The following PLXDC2 variants were observed in gnomAD, a reference collection of about 807,000 sequenced individuals.
PLXDC2 encodes plexin domain-containing protein 2.
Under a neutral mutation model 68.9 loss-of-function variants are expected in PLXDC2, and 40 were observed. The ratio of observed to expected loss-of-function variants is 0.58; its 90% CI spans 0.45 to 0.76. PLXDC2 has a LOEUF of 0.76. Among genes scored for constraint, PLXDC2 ranks in the 30% least tolerant of loss-of-function variants. The probability of loss-of-function intolerance (pLI) is 0.00; values close to 1 mark genes in which losing one functional copy is unlikely to be tolerated. For missense variants in PLXDC2, 644 were observed against 661.9 expected, an observed-to-expected ratio of 0.97 and a Z score of 0.30; for synonymous variants, 243 against 234.2, an observed-to-expected ratio of 1.04 and a Z score of -0.34.
At chr10:19,861,416 T>A (rs1211618140) in intron 1 of PLXDC2, among the ~76,000 whole-genome samples, 1 of 152,128 alleles carries the variant, frequency 6.6e-6, no homozygotes, top group African/African-American at 2.4e-5. Context: ...CTTGCCTGAT[T>A]GGTCTTTCCA....
intron 7 of PLXDC2, among the ~76,000 whole-genome samples, chr10:20,171,668 T>C (rs910500803): frequency 6.6e-6 from 1 of 152,208 alleles, no homozygotes; most frequent in Non-Finnish European, 1.5e-5. Context: ...AATTTTTACA[T>C]ATTTGAGAAT....
intron 9 of PLXDC2, among the ~76,000 whole-genome samples, chr10:20,183,631 C>T (rs113373252): frequency 1.5e-3 from 224 of 152,034 alleles, no homozygotes; most frequent in Non-Finnish European, 2.7e-3. Flanking sequence ...GGAGTAGAAA[C>T]GCACTTTTAC....
intron 1 of PLXDC2, among the ~76,000 whole-genome samples, chr10:19,852,477 G>A (rs1374325925): frequency 7.4e-6 from 1 of 135,332 alleles, no homozygotes; most frequent in African/African-American, 2.7e-5. Flanking sequence ...TTTTCAATAG[G>A]CTCCTTTGCA....
intron 1 of PLXDC2, among the ~76,000 whole-genome samples, chr10:19,879,603 C>T (rs765084631): frequency 6.6e-5 from 10 of 152,114 alleles, no homozygotes; most frequent in Non-Finnish European, 1.0e-4. Context: ...CAGACTGAGA[C>T]GGTTGTATTG....
At chr10:20,269,150 A>G (rs1035271778) in intron 13 of PLXDC2, among the ~76,000 whole-genome samples, 1 of 152,214 alleles carries the variant, frequency 6.6e-6, no homozygotes, top group African/African-American at 2.4e-5. Flanking sequence ...CCACTTTGCC[A>G]AGAACTATTC....
chr10:19,960,216 T>C (rs947497819), intron 1 of PLXDC2, among the ~76,000 whole-genome samples: 3 of 128,032 alleles, frequency 2.3e-5, no homozygotes, highest in African/African-American at 8.7e-5. Context: ...AAAAAAAAAA[T>C]TAGCCAGGGT....
Position 19,968,027 on chromosome 10 carries a change from G to C in PLXDC2, c.113-33748G>C, listed in dbSNP as rs141807718. 1.6e-4 allele frequency among the ~76,000 whole-genome samples: 25 copies of C among 152,306 alleles called. 1 individual carries two copies. Among genetic ancestry groups the C allele is most frequent in the African/African-American group, 5.8e-4 (24 of 41,570 alleles). ...AGAAAAGACTTGAGGAGAAAGATAA[G>C]TTAGTTCAAATATTTGAAAGGCTGT... On this transcript the variant is annotated intron_variant, in intron 1 of 13. Coordinates refer to ENST00000377252, the MANE Select transcript of PLXDC2 (RefSeq NM_032812.9).
intron 7 of PLXDC2, among the ~76,000 whole-genome samples, chr10:20,174,667 A>G (rs1404785743): frequency 1.3e-5 from 2 of 152,068 alleles, no homozygotes; most frequent in African/African-American, 2.4e-5. Flanking sequence ...CGAGGAGGGA[A>G]AGCATTAGGA....
chr10:19,885,305 C>G (rs1470814729), intron 1 of PLXDC2, among the ~76,000 whole-genome samples: 23 of 150,184 alleles, frequency 1.5e-4, no homozygotes, highest in Non-Finnish European at 2.7e-4. Context: ...TTGTAGGTTG[C>G]CTGTTCACTC....
intron 12 of PLXDC2, among the ~76,000 whole-genome samples, chr10:20,233,774 C>A (rs1414243334): frequency 6.6e-6 from 1 of 151,392 alleles, no homozygotes; most frequent in Non-Finnish European, 1.5e-5. Context: ...TCCAGTGTCT[C>A]AAAAAAAATA....
chr10:20,177,135 A>T (rs1453679682), intron 8 of PLXDC2, 41 bp downstream of exon 8: 3 of 1,475,510 alleles, frequency 2.0e-6, no homozygotes, highest in Non-Finnish European at 2.8e-6. Flanking sequence ...CATGATTTCT[A>T]AATTTGATGA....
intron 1 of PLXDC2, among the ~76,000 whole-genome samples, chr10:19,986,330 T>C (rs2131623955): frequency 6.6e-6 from 1 of 152,246 alleles, no homozygotes; most frequent in Non-Finnish European, 1.5e-5. Flanking sequence ...AACTGGAATT[T>C]ACATATAAAT....
chr10:19,865,056 GGA>G (rs1452340969), intron 1 of PLXDC2, among the ~76,000 whole-genome samples: 1 of 152,222 alleles, frequency 6.6e-6, no homozygotes, highest in Non-Finnish European at 1.5e-5. Flanking sequence ...GGAGGTTACA[GGA>G]GAGAGAAAAG....
intron 4 of PLXDC2, among the ~76,000 whole-genome samples, chr10:20,078,591 A>G (rs1836493067): frequency 6.6e-6 from 1 of 152,238 alleles, no homozygotes; most frequent in South Asian, 2.1e-4. Context: ...GTAATTTTTT[A>G]GAAATACACA....
rs1588540621 is a variant in PLXDC2 at position 20,245,904 on chromosome 10, G to T, written c.1473+399G>T. On this transcript the variant is annotated intron_variant, in intron 13 of 13. Transcript: ENST00000377252. ...CTCAGTAAATGCTAATTGAGTATTG[G>T]CTGTATGCATGATACAATATGATGG... Among the ~76,000 whole-genome samples, 3 of 152,238 alleles carry T rather than the reference G, an allele frequency of 2.0e-5. No homozygotes were observed. In the South Asian group the frequency reaches 6.2e-4, roughly 32 times the overall value.
At chr10:20,142,928 G>T (rs1438087194) in intron 4 of PLXDC2, among the ~76,000 whole-genome samples, 2 of 152,022 alleles carry the variant, frequency 1.3e-5, no homozygotes, top group Non-Finnish European at 2.9e-5. Flanking sequence ...GACTTGTGTG[G>T]TAAGCTATTG....
rs76539264 is a variant in PLXDC2, at chr10:20,179,776, T to C, written c.1061+2367T>C. 3.3e-3 allele frequency among the ~76,000 whole-genome samples: 499 copies of C among 152,230 alleles called. 3 individuals are homozygous for C. Among genetic ancestry groups the C allele is most frequent in the African/African-American group, 0.011 (467 of 41,550 alleles). ...TATTGAGAGATGTCTCTGCCAGACA[T>C]TAAGCCAAGGAATTTTCAAATATCA... is the stretch of plus-strand genomic sequence containing the variant. On this transcript the variant is annotated intron_variant, in intron 9 of 13. Coordinates refer to ENST00000377252, the MANE Select transcript of PLXDC2 (RefSeq NM_032812.9).
intron 13 of PLXDC2, among the ~76,000 whole-genome samples, chr10:20,263,480 T>C (rs1397528157): frequency 1.3e-5 from 2 of 152,128 alleles, no homozygotes; most frequent in Non-Finnish European, 2.9e-5. Flanking sequence ...CCAAAAGCAA[T>C]TGTAACAAAA....
chr10:20,048,209 T>C (rs1192759701), intron 3 of PLXDC2, among the ~76,000 whole-genome samples: 1 of 152,160 alleles, frequency 6.6e-6, no homozygotes, highest in South Asian at 2.1e-4. Context: ...TCCTTGTTTA[T>C]ATGTAGATGT....
Sources: gnomAD v4.1 joint callset for allele counts (sites outside exome capture counted in the v4.1 genomes callset) on GRCh38, gnomAD v4.1.1 for gene constraint, MANE v1.5 for transcripts, NCBI Gene and HGNC (gene_info 2026-07-23, HGNC 2026-07-21) for gene names.